Variants in MAP7 observed in about 807,000 individuals in gnomAD.
MAP7 encodes ensconsin.
A neutral mutation model predicts 94.8 loss-of-function variants in MAP7; 52 were observed. The observed-to-expected ratio is 0.55, with a 90% CI of 0.44 to 0.69. MAP7 has a LOEUF of 0.69. MAP7 is among the 30% of genes least tolerant of loss of function. The pLI is 0.00. For synonymous variants in MAP7, 350 were observed against 357.0 expected, an observed-to-expected ratio of 0.98 and a Z score of 0.22; for missense variants, 940 against 964.6, an observed-to-expected ratio of 0.97 and a Z score of 0.34.
intron 1 of MAP7, among the ~76,000 whole-genome samples, chr6:136,488,277 T>G (rs1158643955): frequency 1.1e-4 from 17 of 152,284 alleles, no homozygotes; most frequent in Admixed American, 1.1e-3. Context: ...GTATCAACTG[T>G]AGGAGAAGAA....
chr6:136,399,581 T>C (rs1282775117), intron 3 of MAP7, among the ~76,000 whole-genome samples: 1 of 152,062 alleles, frequency 6.6e-6, no homozygotes, highest in Admixed American at 6.5e-5. Flanking sequence ...CTCAAACTCC[T>C]GGGCTCAAGC....
chr6:136,409,592 G>T (rs1004294314), intron 3 of MAP7, among the ~76,000 whole-genome samples: 1 of 152,320 alleles, frequency 6.6e-6, no homozygotes, highest in East Asian at 1.9e-4. Context: ...TATAATGCCT[G>T]CTCTTCTATC....
intron 1 of MAP7, among the ~76,000 whole-genome samples, chr6:136,479,547 T>TGGAAA (rs1282395791): frequency 2.0e-5 from 3 of 152,126 alleles, no homozygotes; most frequent in Non-Finnish European, 4.4e-5. Flanking sequence ...GCATCCAAAT[T>TGGAAA]GGAAAGGAAG....
At chr6:136,445,319 C>A (rs1476917415) in intron 1 of MAP7, among the ~76,000 whole-genome samples, 1 of 152,112 alleles carries the variant, frequency 6.6e-6, no homozygotes, top group Non-Finnish European at 1.5e-5. Flanking sequence ...ACTGAAGAAA[C>A]CCTTATCTTC....
intron 8 of MAP7, 80 bp from the exon 9 acceptor site, chr6:136,366,519 A>G: frequency 2.1e-6 from 2 of 971,556 alleles, no homozygotes; most frequent in Non-Finnish European, 1.6e-6. Flanking sequence ...GTGGAGCTAG[A>G]AACCATTGAA....
At chr6:136,457,738 T>A (rs1305744249) in intron 1 of MAP7, among the ~76,000 whole-genome samples, 1 of 151,748 alleles carries the variant, frequency 6.6e-6, no homozygotes, top group African/African-American at 2.4e-5. Flanking sequence ...AAAAAGAAAT[T>A]GACAAAATTT....
At chr6:136,494,328 T>C (rs1430666475) in intron 1 of MAP7, among the ~76,000 whole-genome samples, 5 of 152,320 alleles carry the variant, frequency 3.3e-5, no homozygotes, top group South Asian at 2.1e-4. Flanking sequence ...AGTTGTAACA[T>C]TGAGTCTTTT....
At chr6:136,370,528 C>G (rs538990015) in intron 8 of MAP7, among the ~76,000 whole-genome samples, 10 of 152,274 alleles carry the variant, frequency 6.6e-5, no homozygotes, top group African/African-American at 2.4e-4. Context: ...AACACATGAA[C>G]TGATAAACAA....
chr6:136,405,926 C>A (rs576698525), intron 3 of MAP7, among the ~76,000 whole-genome samples: 1 of 152,254 alleles, frequency 6.6e-6, no homozygotes, highest in East Asian at 1.9e-4. Context: ...ATCTTACTCC[C>A]TTCTTGGAAT....
At chr6:136,362,042 T>C (rs1792954528) in intron 11 of MAP7, among the ~76,000 whole-genome samples, 2 of 152,174 alleles carry the variant, frequency 1.3e-5, no homozygotes, top group Non-Finnish European at 2.9e-5. Context: ...ACCCAAAATG[T>C]ACACTATTAC....
intron 1 of MAP7, among the ~76,000 whole-genome samples, chr6:136,450,601 A>G (rs902669233): frequency 2.0e-5 from 3 of 152,080 alleles, no homozygotes; most frequent in Non-Finnish European, 2.9e-5. Flanking sequence ...CCTGACCAAC[A>G]TGGAGAAACC....
At chr6:136,542,147 A>G (rs928304676) in intron 1 of MAP7, among the ~76,000 whole-genome samples, 2 of 152,250 alleles carry the variant, frequency 1.3e-5, no homozygotes, top group African/African-American at 4.8e-5. Context: ...CAAATTAAAA[A>G]GATACTAAAG....
chr6:136,419,715 T>C (rs908882273), intron 2 of MAP7: 14 of 187,880 alleles, frequency 7.5e-5, no homozygotes, highest in African/African-American at 3.3e-4. Flanking sequence ...TAACAAAGCA[T>C]ATTTGCCTGC....
intron 13 of MAP7, 126 bp from the exon 14 acceptor site, chr6:136,360,157 T>G: frequency 1.4e-6 from 1 of 715,016 alleles, no homozygotes; most frequent in Non-Finnish European, 2.3e-6. Context: ...TATGCACTTT[T>G]TTTTTTTTTT....
intron 1 of MAP7, among the ~76,000 whole-genome samples, chr6:136,534,423 A>C (rs1381918934): frequency 6.6e-6 from 1 of 152,244 alleles, no homozygotes; most frequent in African/African-American, 2.4e-5. Flanking sequence ...TGTAAATGTT[A>C]ATCATAGTTA....
intron 5 of MAP7, 106 bp downstream of exon 5, chr6:136,388,287 T>C (rs972763394): frequency 6.2e-6 from 5 of 805,592 alleles, no homozygotes; most frequent in Non-Finnish European, 1.0e-5. Context: ...TGTTTAATTA[T>C]TTCAGCAGGA....
chr6:136,366,586 A>T, intron 8 of MAP7, 147 bp from the exon 9 acceptor site: 1 of 625,244 alleles, frequency 1.6e-6, no homozygotes, highest in East Asian at 2.7e-5. Flanking sequence ...TCTCAACAAA[A>T]GGCCCTTGTT....
At chr6:136,437,354 C>T (rs1796653049) in intron 1 of MAP7, among the ~76,000 whole-genome samples, 1 of 152,140 alleles carries the variant, frequency 6.6e-6, no homozygotes, top group Non-Finnish European at 1.5e-5. Context: ...CCTTGGCCCA[C>T]TTCAAAGAGA....
chr6:136,505,099 T>A (rs991844714), intron 1 of MAP7, among the ~76,000 whole-genome samples: 1 of 151,766 alleles, frequency 6.6e-6, no homozygotes, highest in Non-Finnish European at 1.5e-5. Flanking sequence ...CTCCCTTTTT[T>A]AGGGCCAAAC....
Sources: allele counts gnomAD v4.1 joint callset (sites outside exome capture counted in the v4.1 genomes callset), GRCh38; gene constraint gnomAD v4.1.1; transcripts MANE v1.5; gene names NCBI Gene and HGNC (gene_info 2026-07-23, HGNC 2026-07-21).